Variants in TXNDC11 observed in about 807,000 individuals in gnomAD.
TXNDC11 encodes the protein thioredoxin domain containing 11, also known as thioredoxin domain-containing protein 11.
In TXNDC11, 68 loss-of-function variants were observed where a neutral mutation model predicts 78.0. That is an observed-to-expected ratio of 0.87 (90% CI 0.72 to 1.07). TXNDC11 has a LOEUF of 1.07. TXNDC11 is among the 50% of genes least tolerant of loss of function. The pLI, the probability that TXNDC11 is intolerant of heterozygous loss-of-function variation, is 0.00. For missense variants in TXNDC11, 1,389 were observed against 1,221.8 expected (o/e 1.14, Z -2.04); for synonymous variants, 571 against 495.2 (o/e 1.15, Z -2.03).
chr16:11,724,992 G>A lies in TXNDC11; in HGVS notation c.700-3322C>T, dbSNP rs569897596. ...AAACTCCTGACCTCATGATCTGCCCGCCTCGGCCTCCCAAAGTACTGGGAT... is the reference window on the plus strand; with the variant it reads ...AAACTCCTGACCTCATGATCTGCCCACCTCGGCCTCCCAAAGTACTGGGAT... On this transcript the variant is annotated intron_variant, in intron 4 of 11. Transcript: ENST00000283033. 5.9e-5 allele frequency among the ~76,000 whole-genome samples: 9 copies of A among 152,206 alleles called. No homozygotes were observed. The East Asian group carries it at 7.7e-4, about 13-fold the overall frequency.
chr16:11,709,952 C>T (rs2141056793), intron 5 of TXNDC11, among the ~76,000 whole-genome samples: 1 of 152,232 alleles, frequency 6.6e-6, no homozygotes, highest in African/African-American at 2.4e-5. Flanking sequence ...CAGTGGCTCA[C>T]ACCACCACGG....
intron 5 of TXNDC11, among the ~76,000 whole-genome samples, chr16:11,714,430 G>A (rs893147392): frequency 1.2e-4 from 19 of 152,104 alleles, no homozygotes; most frequent in Non-Finnish European, 2.1e-4. Context: ...CACGAGGTCG[G>A]GGATCAAGAC....
At chr16:11,683,605 T>C (rs2050488979) in intron 11 of TXNDC11, among the ~76,000 whole-genome samples, 1 of 152,172 alleles carries the variant, frequency 6.6e-6, no homozygotes, top group Non-Finnish European at 1.5e-5. Context: ...GTCCTCCATA[T>C]GTTCATACAG....
In TXNDC11 at chr16:11,733,279, G is replaced by A. The variant is rs182509081; in HGVS notation, c.569+703C>T. On this transcript the variant is annotated intron_variant, in intron 3 of 11. Coordinates refer to ENST00000283033, the MANE Select transcript of TXNDC11 (RefSeq NM_015914.7). ...CTCAAAATAAAATAAAATAAAATAA[G>A]ATAAAATAAAACTCTTTCCGTTTTT... Among the ~76,000 whole-genome samples, 85 of 151,762 alleles carry A rather than the reference G, an allele frequency of 5.6e-4. 2 individuals carry two copies. Among genetic ancestry groups the A allele is most frequent in the African/African-American group, 3.6e-4 (15 of 41,384 alleles).
intron 11 of TXNDC11, among the ~76,000 whole-genome samples, chr16:11,682,573 C>T (rs1319354292): frequency 6.6e-6 from 1 of 152,190 alleles, no homozygotes; most frequent in Non-Finnish European, 1.5e-5. Context: ...CTGCTGAGAA[C>T]TTCTTCATTA....
At chr16:11,683,683 C>A (rs2050491600) in intron 11 of TXNDC11, among the ~76,000 whole-genome samples, 1 of 152,002 alleles carries the variant, frequency 6.6e-6, no homozygotes, top group South Asian at 2.1e-4. Flanking sequence ...GGAAAAACAA[C>A]CTTTAAAAGA....
chr16:11,714,047 T>A (rs1347099907), intron 5 of TXNDC11, among the ~76,000 whole-genome samples: 3 of 41,304 alleles, frequency 7.3e-5, no homozygotes, highest in African/African-American at 2.7e-4. Flanking sequence ...ATCCTTCAGA[T>A]TTTTTTTTTT....
intron 5 of TXNDC11, among the ~76,000 whole-genome samples, chr16:11,708,605 C>T (rs567881476): frequency 1.1e-4 from 16 of 152,240 alleles, no homozygotes; most frequent in African/African-American, 3.9e-4. Context: ...AATGGAATAT[C>T]GGGTCAAGAA....
chr16:11,735,856 A>C (rs1033711235), intron 2 of TXNDC11, among the ~76,000 whole-genome samples, 161 bp downstream of exon 2: 1 of 152,146 alleles, frequency 6.6e-6, no homozygotes, highest in African/African-American at 2.4e-5. Context: ...ACAATTGGAA[A>C]TCCTTTCTGT....
intron 5 of TXNDC11, among the ~76,000 whole-genome samples, chr16:11,707,900 G>C (rs769058139): frequency 6.6e-6 from 1 of 151,908 alleles, no homozygotes; most frequent in African/African-American, 2.4e-5. Flanking sequence ...CTGGGCAAGA[G>C]AGTGAGACCC....
intron 10 of TXNDC11, among the ~76,000 whole-genome samples, chr16:11,685,267 C>T (rs1291145011): frequency 6.6e-6 from 1 of 151,980 alleles, no homozygotes; most frequent in Non-Finnish European, 1.5e-5. Flanking sequence ...GGGAGAATCA[C>T]CTGAACCTGG....
chr16:11,736,338 G>A, intron 1 of TXNDC11, 105 bp from the exon 2 acceptor site: 1 of 922,762 alleles, frequency 1.1e-6, no homozygotes, highest in Non-Finnish European at 1.6e-6. Flanking sequence ...TTTTGAATAA[G>A]AAAATGGAGT....
At chr16:11,723,436 T>G (rs892495353) in intron 4 of TXNDC11, among the ~76,000 whole-genome samples, 9 of 151,906 alleles carry the variant, frequency 5.9e-5, no homozygotes, top group Non-Finnish European at 1.2e-4. Flanking sequence ...AATAAAAAAA[T>G]TAGCCAGCCA....
intron 5 of TXNDC11, among the ~76,000 whole-genome samples, chr16:11,712,371 C>T (rs933371192): frequency 1.3e-5 from 2 of 152,048 alleles, no homozygotes; most frequent in Admixed American, 6.6e-5. Flanking sequence ...GCTAAGCCTC[C>T]CACCCCCCAG....
intron 5 of TXNDC11, among the ~76,000 whole-genome samples, chr16:11,711,525 CAACTA>C (rs2051359571): frequency 6.6e-6 from 1 of 152,206 alleles, no homozygotes. Context: ...AAGCCAGTGA[CAACTA>C]GACTGTCCAT....
intron 5 of TXNDC11, among the ~76,000 whole-genome samples, chr16:11,709,980 T>TAG (rs2051298729): frequency 6.6e-6 from 1 of 152,082 alleles, no homozygotes; most frequent in Admixed American, 6.5e-5. Flanking sequence ...CCGTCTCTAC[T>TAG]AGAAGTACAA....
intron 5 of TXNDC11, among the ~76,000 whole-genome samples, chr16:11,720,740 G>T (rs1347759222): frequency 3.0e-5 from 4 of 132,768 alleles, no homozygotes; most frequent in East Asian, 2.2e-4. Flanking sequence ...TATATATATG[G>T]TTTTTTTTTT....
chr16:11,684,704 T>C (rs1331338232), intron 10 of TXNDC11, among the ~76,000 whole-genome samples: 14 of 152,252 alleles, frequency 9.2e-5, no homozygotes, highest in Non-Finnish European at 1.2e-4. Flanking sequence ...AGATTTGACA[T>C]TAATTTTCTA....
chr16:11,741,915 C>A (rs2052407302), intron 1 of TXNDC11: 1 of 152,356 alleles, frequency 6.6e-6, no homozygotes, highest in Admixed American at 6.5e-5. Flanking sequence ...CGCCTGTAAT[C>A]CGAGCTACTC....
Sources: gnomAD v4.1 joint callset for allele counts (sites outside exome capture counted in the v4.1 genomes callset) on GRCh38, gnomAD v4.1.1 for gene constraint, MANE v1.5 for transcripts, NCBI Gene and HGNC (gene_info 2026-07-23, HGNC 2026-07-21) for gene names.